PDS5B: variants seen among roughly 807,000 people sequenced by gnomAD.
The protein encoded by PDS5B is sister chromatid cohesion protein PDS5 homolog B.
Under a neutral mutation model 184.1 loss-of-function variants are expected in PDS5B, and 51 were observed. The observed-to-expected ratio is 0.28, with a 90% CI of 0.22 to 0.35. The LOEUF (loss-of-function observed/expected upper bound fraction) is 0.35, where lower values mean the gene tolerates loss of function less well. Among genes scored for constraint, PDS5B ranks in the 10% least tolerant of loss-of-function variants. The pLI, the probability that PDS5B is intolerant of heterozygous loss-of-function variation, is 1.00. For synonymous variants in PDS5B, 566 were observed against 569.2 expected (o/e 0.99, Z 0.08); for missense variants, 1,180 against 1,723.3 (o/e 0.68, Z 5.58).
intron 1 of PDS5B, among the ~76,000 whole-genome samples, chr13:32,618,987 C>T (rs1240462783): frequency 2.6e-5 from 4 of 152,168 alleles, no homozygotes; most frequent in Non-Finnish European, 2.9e-5. Context: ...TTTCTGGACT[C>T]AATTCTGTTT....
intron 19 of PDS5B, among the ~76,000 whole-genome samples, chr13:32,718,277 A>T (rs1952550535): frequency 6.6e-6 from 1 of 151,848 alleles, no homozygotes; most frequent in Non-Finnish European, 1.5e-5. Flanking sequence ...CAGCCTCCCG[A>T]GTAGCTGGGA....
intron 25 of PDS5B, 130 bp from the exon 26 acceptor site, chr13:32,755,712 G>A: frequency 1.9e-6 from 1 of 534,990 alleles, no homozygotes; most frequent in Non-Finnish European, 3.4e-6. Flanking sequence ...GAACTGTTGG[G>A]ATGCAGAAAA....
intron 10 of PDS5B, among the ~76,000 whole-genome samples, chr13:32,682,594 A>G (rs1018300738): frequency 2.6e-5 from 4 of 152,174 alleles, no homozygotes; most frequent in African/African-American, 9.7e-5. Context: ...ATAGTCTTAT[A>G]CAAGTATTTC....
At chr13:32,631,797 T>C (rs7983457) in intron 1 of PDS5B, among the ~76,000 whole-genome samples, 56,813 of 152,058 alleles carry the variant, frequency 0.37, 11,016 homozygotes, top group Non-Finnish European at 0.43. Flanking sequence ...CTTTACAACA[T>C]GAATTGAGCA....
At chr13:32,722,818 A>G (rs1952764519) in intron 19 of PDS5B, among the ~76,000 whole-genome samples, 2 of 152,206 alleles carry the variant, frequency 1.3e-5, no homozygotes, top group South Asian at 2.1e-4. Context: ...GTATCACCCA[A>G]CAGACTGCCA....
At chr13:32,659,114 TC>T in intron 5 of PDS5B, 39 bp from the exon 6 acceptor site, 1 of 1,477,044 alleles carries the variant, frequency 6.8e-7, no homozygotes, top group Non-Finnish European at 9.2e-7. Flanking sequence ...ATCCTGTATA[TC>T]TCAGTTGTAA....
chr13:32,688,708 C>T, intron 13 of PDS5B, 139 bp downstream of exon 13: 2 of 616,048 alleles, frequency 3.2e-6, no homozygotes, highest in Non-Finnish European at 5.8e-6. Context: ...TGTCGTAGTA[C>T]TTGGCTATTT....
intron 24 of PDS5B, among the ~76,000 whole-genome samples, chr13:32,751,895 G>C (rs1371826936): frequency 6.6e-6 from 1 of 151,986 alleles, no homozygotes; most frequent in Non-Finnish European, 1.5e-5. Flanking sequence ...TTGGTATTTT[G>C]ATAAACTGAA....
At chr13:32,665,398 T>C (rs956509894) in intron 6 of PDS5B, among the ~76,000 whole-genome samples, 1 of 151,764 alleles carries the variant, frequency 6.6e-6, no homozygotes, top group Non-Finnish European at 1.5e-5. Flanking sequence ...AAGACCATCC[T>C]GGCTAACACA....
At chr13:32,591,104 T>C (rs1443659833) in intron 1 of PDS5B, among the ~76,000 whole-genome samples, 1 of 151,872 alleles carries the variant, frequency 6.6e-6, no homozygotes, top group Non-Finnish European at 1.5e-5. Flanking sequence ...TGTACTGTAA[T>C]TTACTATTTT....
intron 22 of PDS5B, among the ~76,000 whole-genome samples, chr13:32,741,630 T>G (rs78945915): frequency 0.047 from 7,084 of 151,276 alleles, 468 homozygotes; most frequent in African/African-American, 0.15. Flanking sequence ...TACCAAGATA[T>G]GAAGGCCAAA....
intron 17 of PDS5B, among the ~76,000 whole-genome samples, chr13:32,704,551 A>C (rs1308253976): frequency 6.6e-6 from 1 of 152,230 alleles, no homozygotes; most frequent in Non-Finnish European, 1.5e-5. Context: ...CACATGGTAG[A>C]TAGTTGTATG....
intron 6 of PDS5B, among the ~76,000 whole-genome samples, chr13:32,665,900 A>G (rs1271051278): frequency 6.6e-6 from 1 of 152,188 alleles, no homozygotes; most frequent in Non-Finnish European, 1.5e-5. Context: ...GTGATATAAA[A>G]TGAGAACAGG....
chr13:32,709,898 A>G (rs1952150586), intron 18 of PDS5B, 48 bp from the exon 19 acceptor site: 2 of 1,141,586 alleles, frequency 1.8e-6, no homozygotes, highest in Admixed American at 2.9e-5. Context: ...GATTTGTATT[A>G]TAAAGATGAA....
chr13:32,772,439 A>G (rs2141043731), intron 33 of PDS5B, among the ~76,000 whole-genome samples: 1 of 152,276 alleles, frequency 6.6e-6, no homozygotes, highest in South Asian at 2.1e-4. Context: ...AGTAACAATG[A>G]GTTGATATCT....
chr13:32,653,533 A>G (rs960185932), intron 3 of PDS5B, among the ~76,000 whole-genome samples: 1 of 152,218 alleles, frequency 6.6e-6, no homozygotes, highest in Non-Finnish European at 1.5e-5. Flanking sequence ...CAAGTCTACC[A>G]CAATTCAAGT....
intron 15 of PDS5B, among the ~76,000 whole-genome samples, chr13:32,697,391 G>T (rs1951736524): frequency 6.6e-6 from 1 of 152,156 alleles, no homozygotes; most frequent in Non-Finnish European, 1.5e-5. Context: ...CACCTCAGAG[G>T]TCACTGTGTA....
At chr13:32,595,224 A>T (rs2140468065) in intron 1 of PDS5B, among the ~76,000 whole-genome samples, 1 of 152,244 alleles carries the variant, frequency 6.6e-6, no homozygotes, top group African/African-American at 2.4e-5. Context: ...CATGCTAGAA[A>T]CCTGGGAGTC....
intron 33 of PDS5B, among the ~76,000 whole-genome samples, chr13:32,771,830 A>G (rs144859598): frequency 6.6e-6 from 1 of 152,246 alleles, no homozygotes; most frequent in East Asian, 1.9e-4. Flanking sequence ...AACAAACCTC[A>G]TAATTTTAGT....
Sources: allele counts gnomAD v4.1 joint callset (sites outside exome capture counted in the v4.1 genomes callset), GRCh38; gene constraint gnomAD v4.1.1; transcripts MANE v1.5; gene names NCBI Gene and HGNC (gene_info 2026-07-23, HGNC 2026-07-21).